Variants in RBM19 observed in about 807,000 individuals in gnomAD.
RBM19 encodes the protein probable RNA-binding protein 19.
Under a neutral mutation model 116.8 loss-of-function variants are expected in RBM19, and 94 were observed. The ratio of observed to expected loss-of-function variants is 0.80; its 90% confidence interval spans 0.68 to 0.95. The LOEUF (loss-of-function observed/expected upper bound fraction) is 0.95, where lower values mean the gene tolerates loss of function less well. Ranked by LOEUF, RBM19 falls within the 40% of genes least tolerant of loss-of-function variation. The pLI is 0.00. For missense variants in RBM19, 1,161 were observed against 1,220.7 expected, an observed-to-expected ratio of 0.95 and a Z score of 0.73; for synonymous variants, 475 against 494.1, an observed-to-expected ratio of 0.96 and a Z score of 0.51.
chr12:113,885,867 CTTT>C (rs1004711498), intron 21 of RBM19, among the ~76,000 whole-genome samples: 3 of 125,256 alleles, frequency 2.4e-5, no homozygotes, highest in Non-Finnish European at 3.4e-5. Context: ...TCAGCTTTGC[CTTT>C]TTTTTTTTTT....
chr12:113,924,058 C>T (rs1868835153), intron 18 of RBM19, among the ~76,000 whole-genome samples: 1 of 152,210 alleles, frequency 6.6e-6, no homozygotes, highest in Admixed American at 6.5e-5. Context: ...GCTGGCATGG[C>T]TGTGCGAAAG....
intron 21 of RBM19, among the ~76,000 whole-genome samples, chr12:113,889,670 CAACA>C (rs1565998799): frequency 1.6e-5 from 1 of 64,172 alleles, no homozygotes; most frequent in Admixed American, 1.8e-4. Flanking sequence ...AACAAACAAA[CAACA>C]AAAAAAAAAA....
At chr12:113,948,110 A>G (rs1871192539) in intron 10 of RBM19, among the ~76,000 whole-genome samples, 1 of 152,176 alleles carries the variant, frequency 6.6e-6, no homozygotes, top group Non-Finnish European at 1.5e-5. Context: ...GGGCATCCTT[A>G]CCCTGACAAC....
intron 7 of RBM19, among the ~76,000 whole-genome samples, chr12:113,954,574 C>T (rs955589449): frequency 3.3e-5 from 5 of 152,108 alleles, no homozygotes; most frequent in Admixed American, 2.0e-4. Flanking sequence ...TACTTACAGG[C>T]AATTTTTAAA....
intron 22 of RBM19, among the ~76,000 whole-genome samples, chr12:113,852,090 G>A (rs938631997): frequency 6.6e-6 from 1 of 152,048 alleles, no homozygotes; most frequent in Admixed American, 6.6e-5. Context: ...AAGGGAGGAA[G>A]GCTGTCAAAC....
intron 21 of RBM19, among the ~76,000 whole-genome samples, chr12:113,890,000 T>C (rs1037559911): frequency 6.6e-6 from 1 of 152,122 alleles, no homozygotes; most frequent in South Asian, 2.1e-4. Flanking sequence ...TGCAGCTACC[T>C]CCGGCTTTCC....
intron 21 of RBM19, among the ~76,000 whole-genome samples, chr12:113,909,921 C>A (rs1882325828): frequency 6.6e-6 from 1 of 152,196 alleles, no homozygotes; most frequent in Non-Finnish European, 1.5e-5. Context: ...AGCTGTCAGG[C>A]AGGGCTTTTC....
intron 23 of RBM19, among the ~76,000 whole-genome samples, chr12:113,837,746 C>T (rs1482143143): frequency 6.6e-6 from 1 of 152,222 alleles, no homozygotes; most frequent in East Asian, 1.9e-4. Flanking sequence ...TAGCTGGGTG[C>T]CCTTGGGCAA....
At chr12:113,863,383 A>G (rs1036519051) in intron 21 of RBM19, among the ~76,000 whole-genome samples, 1 of 152,138 alleles carries the variant, frequency 6.6e-6, no homozygotes, top group African/African-American at 2.4e-5. Flanking sequence ...GACTGAAGCG[A>G]CAGGCTCAGG....
At chr12:113,877,165 T>G (rs1055873660) in intron 21 of RBM19, among the ~76,000 whole-genome samples, 6 of 152,190 alleles carry the variant, frequency 3.9e-5, no homozygotes, top group African/African-American at 1.4e-4. Flanking sequence ...TGGAGGTGAT[T>G]TTACTTGAAA....
chr12:113,821,482 G>A (rs908680212), downstream of RBM19, among the ~76,000 whole-genome samples: 1 of 152,192 alleles, frequency 6.6e-6, no homozygotes, highest in Non-Finnish European at 1.5e-5. Context: ...CTCCAGCCCT[G>A]TCATTCCGCA....
chr12:113,844,525 G>A (rs1213644611), intron 23 of RBM19, 143 bp downstream of exon 23: 10 of 1,180,188 alleles, frequency 8.5e-6, no homozygotes, highest in African/African-American at 1.6e-5. Flanking sequence ...GAGGGGCTGT[G>A]GGAGGATGCC....
intron 18 of RBM19, among the ~76,000 whole-genome samples, chr12:113,922,999 T>C (rs1045732518): frequency 1.2e-4 from 19 of 152,118 alleles, no homozygotes; most frequent in Admixed American, 1.2e-3. Flanking sequence ...CCGGGTGTGG[T>C]GACACATGCC....
Position 113,842,602 on chromosome 12 carries a change from G to A in RBM19, c.2785+2066C>T, listed in dbSNP as rs565067021. The stretch of plus-strand genomic sequence containing the variant: ...AAGAACTGATCACTAAGAGAGATGA[G>A]CACGACACAGCCCCCATGTGGGGAA... On this transcript the variant is annotated intron_variant, in intron 23 of 23. Transcript: ENST00000261741. Among the ~76,000 whole-genome samples, 6 of 152,360 alleles carry A rather than the reference G, an allele frequency of 3.9e-5. No homozygotes were observed. The South Asian group carries it at 1.2e-3, about 32-fold the overall frequency.
At chr12:113,854,755 G>A (rs1157704146) in intron 22 of RBM19, among the ~76,000 whole-genome samples, 1 of 152,180 alleles carries the variant, frequency 6.6e-6, no homozygotes, top group Non-Finnish European at 1.5e-5. Flanking sequence ...ACAGACCGGG[G>A]TCTGGGCTTC....
chr12:113,848,939 C>T (rs1455266961), intron 22 of RBM19, among the ~76,000 whole-genome samples: 1 of 152,180 alleles, frequency 6.6e-6, no homozygotes, highest in African/African-American at 2.4e-5. Context: ...CTCCACGGCA[C>T]TCCAAGCATA....
rs897829126 is a variant in RBM19 at position 113,933,473 on chromosome 12, G to A, written c.2068+3534C>T. 3.3e-5 allele frequency among the ~76,000 whole-genome samples: 5 copies of A among 152,312 alleles called. No homozygotes were observed. The South Asian group carries it at 6.2e-4, about 19-fold the overall frequency. On this transcript the variant is annotated intron_variant, in intron 16 of 23. Transcript: ENST00000261741. The stretch of plus-strand genomic sequence containing the variant: ...CTCTGTGGGAATTCACCGATGACGC[G>A]GGACACAGCGGGGCTTGGAATTAGC...
intron 22 of RBM19, among the ~76,000 whole-genome samples, chr12:113,847,661 G>T (rs1394644155): frequency 6.6e-6 from 1 of 152,122 alleles, no homozygotes; most frequent in African/African-American, 2.4e-5. Context: ...GTGAATGCTA[G>T]GCTGGAACTC....
chr12:113,883,279 G>A (rs1437823499), intron 21 of RBM19, among the ~76,000 whole-genome samples: 1 of 152,258 alleles, frequency 6.6e-6, no homozygotes, highest in Non-Finnish European at 1.5e-5. Context: ...AACGCAGCCT[G>A]GGCTGGGGGT....
Sources: allele counts gnomAD v4.1 joint callset (sites outside exome capture counted in the v4.1 genomes callset), GRCh38; gene constraint gnomAD v4.1.1; transcripts MANE v1.5; gene names NCBI Gene and HGNC (gene_info 2026-07-23, HGNC 2026-07-21).